PLEKHM3: variants seen among roughly 807,000 people sequenced by gnomAD.
The protein encoded by PLEKHM3 is pleckstrin homology domain-containing family M member 3.
PLEKHM3 carries 45 observed loss-of-function variants against 81.8 expected under a neutral mutation model. That is an observed-to-expected ratio of 0.55 (90% CI 0.43 to 0.71). The LOEUF (loss-of-function observed/expected upper bound fraction) is 0.71. PLEKHM3 is among the 30% of genes least tolerant of loss of function. The pLI, the probability that PLEKHM3 is intolerant of heterozygous loss-of-function variation, is 0.00. For missense variants in PLEKHM3, 788 were observed against 924.3 expected (o/e 0.85, Z 1.91); for synonymous variants, 352 against 356.4 (o/e 0.99, Z 0.14).
intron 4 of PLEKHM3, among the ~76,000 whole-genome samples, chr2:207,946,137 G>GT (rs1480242138): frequency 2.0e-5 from 3 of 152,140 alleles, no homozygotes; most frequent in Non-Finnish European, 4.4e-5. Context: ...AGCACCAGAA[G>GT]TAAAAACTGC....
At chr2:207,915,696 C>T (rs2170196) in intron 5 of PLEKHM3, among the ~76,000 whole-genome samples, 1 of 152,126 alleles carries the variant, frequency 6.6e-6, no homozygotes, top group Non-Finnish European at 1.5e-5. Context: ...AGCACAACAC[C>T]AAAAGCAAAC....
chr2:208,024,417 T>C (rs1450703588), intron 1 of PLEKHM3, among the ~76,000 whole-genome samples: 1 of 152,194 alleles, frequency 6.6e-6, no homozygotes, highest in East Asian at 1.9e-4. Context: ...TATGTATATC[T>C]ATCTATTGTA....
intron 2 of PLEKHM3, among the ~76,000 whole-genome samples, chr2:207,983,029 G>T (rs955048010): frequency 1.3e-5 from 2 of 151,770 alleles, no homozygotes; most frequent in South Asian, 4.2e-4. Context: ...AAAGTTTTGG[G>T]GGAGTCAAAT....
chr2:208,019,482 C>T (rs966295033), intron 1 of PLEKHM3, among the ~76,000 whole-genome samples: 5 of 152,178 alleles, frequency 3.3e-5, no homozygotes, highest in African/African-American at 7.2e-5. Context: ...CAGTCCTTGA[C>T]GAGGAATCAC....
At chr2:207,902,440 T>C (rs1400812480) in intron 6 of PLEKHM3, among the ~76,000 whole-genome samples, 2 of 152,252 alleles carry the variant, frequency 1.3e-5, no homozygotes, top group Non-Finnish European at 2.9e-5. Flanking sequence ...TAGAAAACAG[T>C]TGAGGTAAGA....
intron 6 of PLEKHM3, among the ~76,000 whole-genome samples, chr2:207,895,916 T>C (rs1078049): frequency 0.6 from 90,678 of 152,174 alleles, 27,532 homozygotes; most frequent in Middle Eastern, 0.69. Flanking sequence ...CTTAAAGCTG[T>C]TATTTCCTGA....
intron 5 of PLEKHM3, among the ~76,000 whole-genome samples, chr2:207,929,417 G>C (rs184654669): frequency 6.6e-6 from 1 of 152,288 alleles, no homozygotes; most frequent in Admixed American, 6.5e-5. Context: ...TATCTAACAT[G>C]ATTCCTATGT....
chr2:207,858,669 C>T (rs150131977), intron 7 of PLEKHM3, among the ~76,000 whole-genome samples: 1,624 of 151,944 alleles, frequency 0.011, 22 homozygotes, highest in African/African-American at 0.037. Context: ...TTAGTAGAGA[C>T]GAGGTTTTGC....
Position 207,976,414 on chromosome 2 carries a change from A to G in PLEKHM3, c.1546+237T>C, listed in dbSNP as rs1691310472. ...CCAAATCATTTTGATTCAACAGGATATATCATAGCTGCTTCTATTTACTTC... is the reference window on the plus strand; with the variant it reads ...CCAAATCATTTTGATTCAACAGGATGTATCATAGCTGCTTCTATTTACTTC... On this transcript the variant is annotated intron_variant, in intron 3 of 7. Transcript: ENST00000427836. This position sits in a 1 kb window ranked among gnomAD's most constrained non-coding sequence, Gnocchi z 4.1. Among the ~76,000 whole-genome samples, 1 of 152,238 alleles carries G rather than the reference A, an allele frequency of 6.6e-6. No individual in the cohort carries two copies. The highest frequency in any genetic ancestry group is 6.5e-5 in the Admixed American group (1 of 15,286).
chr2:207,959,616 G>A (rs1016021315), intron 3 of PLEKHM3, among the ~76,000 whole-genome samples: 1 of 151,978 alleles, frequency 6.6e-6, no homozygotes, highest in African/African-American at 2.4e-5. Context: ...TCATATTTTA[G>A]GAGAGTCTCA....
intron 7 of PLEKHM3, among the ~76,000 whole-genome samples, chr2:207,841,448 C>CAAAAAA (rs1206603074): frequency 9.3e-5 from 2 of 21,490 alleles, no homozygotes; most frequent in East Asian, 1.4e-3. Context: ...GACTCCATCT[C>CAAAAAA]AAAAAAAAAA....
chr2:207,951,806 T>C (rs1164502163), intron 3 of PLEKHM3, among the ~76,000 whole-genome samples: 1 of 152,210 alleles, frequency 6.6e-6, no homozygotes, highest in African/African-American at 2.4e-5. Flanking sequence ...GCTGCAGTTG[T>C]TGTTACTGAA....
intron 6 of PLEKHM3, chr2:207,868,776 A>G (rs2105825285): frequency 6.6e-6 from 1 of 152,324 alleles, no homozygotes; most frequent in Middle Eastern, 3.4e-3. Context: ...TATGAAGGCC[A>G]CATGTCATTT....
intron 3 of PLEKHM3, among the ~76,000 whole-genome samples, chr2:207,954,825 A>T (rs942004766): frequency 5.9e-5 from 9 of 152,246 alleles, no homozygotes; most frequent in African/African-American, 2.2e-4. Flanking sequence ...CTGAAAATAT[A>T]AACTTGCTAA....
intron 6 of PLEKHM3, among the ~76,000 whole-genome samples, chr2:207,889,050 T>C (rs1006729032): frequency 6.6e-6 from 1 of 152,188 alleles, no homozygotes. Flanking sequence ...ATCAACTTTT[T>C]TGGATCTGTC....
chr2:207,892,817 C>T (rs981779364), intron 6 of PLEKHM3, among the ~76,000 whole-genome samples: 5 of 152,208 alleles, frequency 3.3e-5, no homozygotes, highest in African/African-American at 1.2e-4. Context: ...CAAGACCTCA[C>T]AGTCGCCGAG....
At chr2:208,015,826 GAATT>G (rs1229591545) in intron 1 of PLEKHM3, among the ~76,000 whole-genome samples, 1 of 152,166 alleles carries the variant, frequency 6.6e-6, no homozygotes, top group Non-Finnish European at 1.5e-5. Flanking sequence ...TCTGTCAAAA[GAATT>G]AAAAGAAATA....
At chr2:207,934,907 G>C (rs968368711) in intron 4 of PLEKHM3, among the ~76,000 whole-genome samples, 24 of 152,188 alleles carry the variant, frequency 1.6e-4, no homozygotes, top group African/African-American at 5.3e-4. Flanking sequence ...CTGAGGGAGA[G>C]TGTTCTGGTA....
chr2:207,962,924 T>A (rs201482257), intron 3 of PLEKHM3, among the ~76,000 whole-genome samples: 21 of 135,768 alleles, frequency 1.5e-4, no homozygotes, highest in Admixed American at 3.0e-4. Context: ...AGTCAAAAAT[T>A]AAAAAAAAAA....
Sources: gnomAD v4.1 joint callset for allele counts (sites outside exome capture counted in the v4.1 genomes callset) on GRCh38, gnomAD v4.1.1 for gene constraint, Gnocchi (gnomAD v3.1) non-coding constraint, MANE v1.5 for transcripts, NCBI Gene and HGNC (gene_info 2026-07-23, HGNC 2026-07-21) for gene names.